EPHB2: variants seen among roughly 807,000 people sequenced by gnomAD.
The protein encoded by EPHB2 is ephrin type-B receptor 2.
A neutral mutation model predicts 96.4 loss-of-function variants in EPHB2; 18 were observed. The observed-to-expected ratio is 0.19, with a 90% CI of 0.13 to 0.28. The LOEUF (loss-of-function observed/expected upper bound fraction) is 0.28. Among genes scored for constraint, EPHB2 ranks in the 10% least tolerant of loss-of-function variants. EPHB2 has a pLI of 1.00. For synonymous variants in EPHB2, 506 were observed against 534.1 expected, an observed-to-expected ratio of 0.95 and a Z score of 0.72; for missense variants, 989 against 1,355.4, an observed-to-expected ratio of 0.73 and a Z score of 4.25.
At chr1:22,753,108 T>C (rs1475016263) in intron 1 of EPHB2, among the ~76,000 whole-genome samples, 1 of 152,168 alleles carries the variant, frequency 6.6e-6, no homozygotes, top group African/African-American at 2.4e-5. Flanking sequence ...TCCCATCTGT[T>C]CTTCCAGTCA....
intron 5 of EPHB2, among the ~76,000 whole-genome samples, chr1:22,874,987 A>G (rs533083157): frequency 6.6e-6 from 1 of 152,284 alleles, no homozygotes; most frequent in South Asian, 2.1e-4. Flanking sequence ...AATTAAACAC[A>G]TGTGCAGTGT....
At position 22,915,851 on chromosome 1, in the gene EPHB2, C is replaced by T. The variant is rs1297381053; in HGVS notation, c.*2281C>T. On this transcript the variant is annotated 3_prime_UTR_variant, in exon 16 of 16. Coordinates refer to ENST00000374630, the MANE Select transcript of EPHB2 (RefSeq NM_017449.5). ...AAGGGGAGCCAAGGAGACTACCTCT[C>T]GGGACCTTTCCCAGATCCGAGGAGA... The T allele has an allele frequency of 2.0e-5, 3 of 152,322 alleles. No homozygotes were observed. The East Asian group carries it at 5.8e-4, about 29-fold the overall frequency. The allele number at this position is 152,322 out of a possible 1,614,324, so 9.4% of individuals were successfully genotyped here.
chr1:22,825,601 C>A (rs947423403), intron 3 of EPHB2, among the ~76,000 whole-genome samples: 2 of 152,214 alleles, frequency 1.3e-5, no homozygotes, highest in African/African-American at 4.8e-5. Context: ...TCTCTGAACC[C>A]CCTCATGCGT....
At chr1:22,907,739 C>T (rs1331777108) in intron 11 of EPHB2, among the ~76,000 whole-genome samples, 1 of 152,188 alleles carries the variant, frequency 6.6e-6, no homozygotes, top group Non-Finnish European at 1.5e-5. Flanking sequence ...AGAGTCAAAC[C>T]AAGCGTGTCT....
At chr1:22,808,413 G>A (rs1036860963) in intron 3 of EPHB2, among the ~76,000 whole-genome samples, 1 of 152,226 alleles carries the variant, frequency 6.6e-6, no homozygotes, top group East Asian at 1.9e-4. Context: ...CAAGTGAGAG[G>A]CCCACAAGCT....
At chr1:22,778,274 C>A (rs1055636108) in intron 1 of EPHB2, among the ~76,000 whole-genome samples, 3 of 151,932 alleles carry the variant, frequency 2.0e-5, no homozygotes, top group South Asian at 2.1e-4. Flanking sequence ...GATCTCCCCC[C>A]CTCAAAAGGT....
Position 22,906,714 on chromosome 1 carries a change from G to A in EPHB2, c.1893G>A (p.Glu631=). The A allele has an allele frequency of 6.2e-7, 1 of 1,614,134 alleles. No homozygotes were observed. The highest frequency in any genetic ancestry group is 1.1e-5 in the South Asian group (1 of 91,080). The part of the protein sequence containing the change: ...VKIEQVIGAG[E]FGEVCSGHLK... Reference sequence around the variant, plus strand: ...GTCTTGGTGTTTCTCTCTCAGGGGAGTTTGGCGAGGTCTGCAGTGGCCACC... The same window carrying A: ...GTCTTGGTGTTTCTCTCTCAGGGGAATTTGGCGAGGTCTGCAGTGGCCACC... Residue 631 remains glutamate (E), a synonymous_variant, in exon 11 of 16, where the codon GAG becomes GAA. Coordinates refer to ENST00000374630, the MANE Select transcript of EPHB2 (RefSeq NM_017449.5). This position sits in a 1 kb window ranked among gnomAD's most constrained non-coding sequence, Gnocchi z 4.8.
At chr1:22,777,472 T>TA (rs1366593402) in intron 1 of EPHB2, among the ~76,000 whole-genome samples, 1 of 152,272 alleles carries the variant, frequency 6.6e-6, no homozygotes, top group East Asian at 1.9e-4. Flanking sequence ...TCTGGTGTGT[T>TA]ACAGGGTGGA....
chr1:22,919,882 C>T lies in EPHB2; in HGVS notation c.*6312C>T, dbSNP rs1306270767. On this transcript the variant is annotated 3_prime_UTR_variant, in exon 16 of 16. Transcript: ENST00000374630. ...TGATTCCATGTTTCTAAGATTCCAT[C>T]ACACTATGATTCTATGCTGCTAATT... The T allele has an allele frequency of 2.0e-5, 3 of 152,150 alleles. No individual in the cohort carries two copies. Among genetic ancestry groups the T allele is most frequent in the Non-Finnish European group, 4.4e-5 (3 of 68,028 alleles). The allele number at this position is 152,150 out of a possible 1,614,324, so 9.4% of individuals were successfully genotyped here.
intron 3 of EPHB2, among the ~76,000 whole-genome samples, chr1:22,810,914 G>A (rs1350667210): frequency 1.3e-5 from 2 of 152,094 alleles, no homozygotes; most frequent in African/African-American, 4.8e-5. Flanking sequence ...CCCCTCCTCA[G>A]TGCCACCCAG....
intron 6 of EPHB2, chr1:22,882,943 G>A (rs750216602): frequency 3.8e-5 from 9 of 237,942 alleles, no homozygotes; most frequent in South Asian, 1.2e-4. Flanking sequence ...ACTTTCACTC[G>A]CCTGCATGCC....
At chr1:22,881,265 G>A (rs939675243) in intron 5 of EPHB2, among the ~76,000 whole-genome samples, 2 of 152,142 alleles carry the variant, frequency 1.3e-5, no homozygotes, top group Non-Finnish European at 2.9e-5. Context: ...AGGTGTGGTG[G>A]TGCACACCTG....
intron 1 of EPHB2, among the ~76,000 whole-genome samples, chr1:22,759,488 T>C (rs1336986401): frequency 8.5e-5 from 13 of 152,162 alleles, no homozygotes; most frequent in African/African-American, 3.1e-4. Context: ...TTCATTCCTC[T>C]TGGAGTCGGC....
At position 22,742,397 on chromosome 1, in the gene EPHB2, C is replaced by T. The variant is rs143483829; in HGVS notation, c.61+31354C>T. Reference sequence around the variant, plus strand: ...CAAAGCTGAGAGCCGGAGCTCTGTCCAGGTTCCCAGCTCCTGGACCTCACT... The same window carrying T: ...CAAAGCTGAGAGCCGGAGCTCTGTCTAGGTTCCCAGCTCCTGGACCTCACT... On this transcript the variant is annotated intron_variant, in intron 1 of 15. Transcript: ENST00000374630. Among the ~76,000 whole-genome samples, 121 of 152,298 alleles carry T rather than the reference C, an allele frequency of 7.9e-4. 1 individual carries two copies. Among genetic ancestry groups the T allele is most frequent in the African/African-American group, 2.9e-3 (120 of 41,556 alleles).
chr1:22,803,773 G>T (rs1299782744), intron 3 of EPHB2, among the ~76,000 whole-genome samples: 1 of 151,034 alleles, frequency 6.6e-6, no homozygotes, highest in Non-Finnish European at 1.5e-5. Flanking sequence ...ATTAGCTGGG[G>T]TGTGACGATG....
At chr1:22,752,714 A>G (rs1026788162) in intron 1 of EPHB2, among the ~76,000 whole-genome samples, 1 of 150,262 alleles carries the variant, frequency 6.7e-6, no homozygotes, top group Non-Finnish European at 1.5e-5. Context: ...TTAATATTTT[A>G]ATATTATTTT....
At chr1:22,713,473 C>T (rs1386681928) in intron 1 of EPHB2, among the ~76,000 whole-genome samples, 1 of 152,186 alleles carries the variant, frequency 6.6e-6, no homozygotes, top group Non-Finnish European at 1.5e-5. Context: ...ATGACAGCGC[C>T]TGTCCTGCCT....
At chr1:22,786,733 A>G (rs1644616891) in intron 3 of EPHB2, among the ~76,000 whole-genome samples, 1 of 152,146 alleles carries the variant, frequency 6.6e-6, no homozygotes, top group Admixed American at 6.5e-5. Flanking sequence ...AGATCAAAGG[A>G]TGTTTTGCCA....
chr1:22,723,551 T>C (rs1643517211), intron 1 of EPHB2, among the ~76,000 whole-genome samples: 1 of 152,224 alleles, frequency 6.6e-6, no homozygotes, highest in Non-Finnish European at 1.5e-5. Context: ...GACCAGCCCC[T>C]TCTGGAGTTG....
Sources: gnomAD v4.1 joint callset for allele counts (sites outside exome capture counted in the v4.1 genomes callset) on GRCh38, gnomAD v4.1.1 for gene constraint, Gnocchi (gnomAD v3.1) non-coding constraint, MANE v1.5 for transcripts, NCBI Gene and HGNC (gene_info 2026-07-23, HGNC 2026-07-21) for gene names.